POP1: variants seen among roughly 807,000 people sequenced by gnomAD.
POP1 encodes the protein ribonucleases P/MRP protein subunit POP1.
A neutral mutation model predicts 102.2 loss-of-function variants in POP1; 75 were observed. That is an observed-to-expected ratio of 0.73 (90% CI 0.61 to 0.89). POP1 has a LOEUF of 0.89. Among genes scored for constraint, POP1 ranks in the 40% least tolerant of loss-of-function variants. The pLI is 0.00. For missense variants in POP1, 1,116 were observed against 1,267.4 expected, an observed-to-expected ratio of 0.88 and a Z score of 1.81; for synonymous variants, 436 against 464.1, an observed-to-expected ratio of 0.94 and a Z score of 0.78.
At chr8:98,129,607 T>G (rs1470972040) in intron 4 of POP1, among the ~76,000 whole-genome samples, 1 of 152,220 alleles carries the variant, frequency 6.6e-6, no homozygotes, top group African/African-American at 2.4e-5. Flanking sequence ...TTCTACAGGT[T>G]AAAATGACAA....
At chr8:98,155,402 T>A (rs1196542154) in intron 14 of POP1, among the ~76,000 whole-genome samples, 1 of 152,076 alleles carries the variant, frequency 6.6e-6, no homozygotes, top group East Asian at 1.9e-4. Flanking sequence ...TGCCTCAGCC[T>A]CCCTAGTATC....
chr8:98,154,495 G>A (rs1260946653), intron 14 of POP1, among the ~76,000 whole-genome samples: 1 of 151,952 alleles, frequency 6.6e-6, no homozygotes, highest in Non-Finnish European at 1.5e-5. Flanking sequence ...ATCGCAGTTT[G>A]AAGCTGGAGC....
intron 5 of POP1, among the ~76,000 whole-genome samples, chr8:98,132,635 A>G (rs1816409525): frequency 1.3e-5 from 2 of 152,276 alleles, no homozygotes; most frequent in African/African-American, 4.8e-5. Context: ...TCTTTGTTCA[A>G]GTAACAATCT....
chr8:98,119,178 A>G (rs1815940749), intron 1 of POP1, among the ~76,000 whole-genome samples: 1 of 152,274 alleles, frequency 6.6e-6, no homozygotes, highest in Admixed American at 6.5e-5. Context: ...TAGATAATTA[A>G]GACATATTTT....
At chr8:98,146,743 C>CA in intron 12 of POP1, 60 bp downstream of exon 12, 2 of 1,252,606 alleles carry the variant, frequency 1.6e-6, no homozygotes, top group Non-Finnish European at 2.3e-6. Flanking sequence ...ATATATCATT[C>CA]TAGAGACCAT....
rs774229583 is a variant in POP1 at position 98,136,890 on chromosome 8, G to A, written c.1298G>A (p.Arg433Gln). ...TTGACGATGGAGATGAACAGATTCCGGCTGATTGGGCCACTTTCCCACTCC... is the reference window on the plus strand; with the variant it reads ...TTGACGATGGAGATGAACAGATTCCAGCTGATTGGGCCACTTTCCCACTCC... Reference protein sequence around the residue: ...SDLTMEMNRFRLIGPLSHSIL... With the variant: ...SDLTMEMNRFQLIGPLSHSIL... The change falls in exon 9 of 16, where the codon CGG becomes CAG. Residue 433 changes from arginine (R) to glutamine (Q), a missense_variant. Transcript: ENST00000401707. The A allele has an allele frequency of 2.0e-5, 32 of 1,613,816 alleles. No homozygotes were observed. Among genetic ancestry groups the A allele is most frequent in the East Asian group, 2.2e-5 (1 of 44,888 alleles).
intron 15 of POP1, 39 bp from the exon 16 acceptor site, chr8:98,157,578 A>C (rs189318619): frequency 1.2e-6 from 2 of 1,610,702 alleles, no homozygotes; most frequent in Admixed American, 3.3e-5. Context: ...TTTTTCTGGA[A>C]CAAAATATCC....
At chr8:98,136,450 A>AT (rs768932202) in intron 7 of POP1, 32 bp from the exon 8 acceptor site, 4 of 1,578,328 alleles carry the variant, frequency 2.5e-6, no homozygotes, top group Middle Eastern at 2.0e-4. Context: ...AAATTTCAAG[A>AT]TTTTAAAGTG....
At chr8:98,150,763 T>G (rs1238732162) in intron 14 of POP1, 124 bp downstream of exon 14, 3 of 896,758 alleles carry the variant, frequency 3.3e-6, no homozygotes, top group Non-Finnish European at 5.1e-6. Flanking sequence ...AGTTCAGCAT[T>G]ACTGAGAAAT....
intron 11 of POP1, among the ~76,000 whole-genome samples, chr8:98,143,620 G>A (rs1052806249): frequency 2.0e-5 from 3 of 152,036 alleles, no homozygotes; most frequent in Non-Finnish European, 2.9e-5. Context: ...TACTCTTACC[G>A]ATTTTGACAA....
chr8:98,136,501 A>G lies in POP1; in HGVS notation c.1031A>G (p.Lys344Arg). Residue 344 changes from lysine (K) to arginine (R), a missense_variant, in exon 8 of 16, where the codon AAA (lysine) becomes AGA (arginine). Physicochemically the swap from Lys to Arg is conservative, Grantham distance 26. Transcript: ENST00000401707. The stretch of plus-strand genomic sequence containing the variant: ...TTTTAGGATATCTTAGAGGAAATAA[A>G]AGCAGCGTGCCAGTGTGTGGAACCC... Reference protein sequence around the residue: ...TLKQDILEEIKAACQCVEPIK... With the variant: ...TLKQDILEEIRAACQCVEPIK... 6.2e-7 allele frequency: 1 copy of G among 1,611,976 alleles called. No homozygotes were observed.
intron 12 of POP1, among the ~76,000 whole-genome samples, chr8:98,147,240 A>G (rs184955001): frequency 2.0e-4 from 31 of 152,338 alleles, no homozygotes; most frequent in Admixed American, 7.8e-4. Flanking sequence ...AAATGAGGCC[A>G]GCCTCCTGAT....
At chr8:98,135,231 T>G (rs1563775977) in intron 7 of POP1, among the ~76,000 whole-genome samples, 1 of 151,680 alleles carries the variant, frequency 6.6e-6, no homozygotes, top group Admixed American at 6.6e-5. Flanking sequence ...TGAGATGAAA[T>G]CGTGCTATTG....
Position 98,146,607 on chromosome 8 carries a change from C to T in POP1, c.1634C>T (p.Pro545Leu). 6.2e-7 allele frequency: 1 copy of T among 1,613,984 alleles called. No individual in the cohort carries two copies. The highest frequency in any genetic ancestry group is 2.2e-5 in the East Asian group (1 of 44,860). ...KVRQLLLEGVPVECTHSFIWN... is the reference protein window; with the variant it reads ...KVRQLLLEGVLVECTHSFIWN... The stretch of plus-strand genomic sequence containing the variant: ...AGACAGCTGCTTCTGGAGGGTGTGC[C>T]TGTGGAATGTACGCATAGCTTTATC... Residue 545 changes from proline to leucine, a missense_variant, in exon 12 of 16, where the codon CCT becomes CTT. By Grantham distance (98) the Pro-to-Leu change is moderately conservative. Coordinates refer to ENST00000401707, the MANE Select transcript of POP1 (RefSeq NM_001145860.2).
In POP1 at chr8:98,148,819, T is replaced by G; in HGVS notation, c.1715T>G (p.Leu572Ter). The G allele has an allele frequency of 1.2e-6, 2 of 1,612,034 alleles. No homozygotes were observed. Among genetic ancestry groups the G allele is most frequent in the Non-Finnish European group, 1.7e-6 (2 of 1,178,730 alleles). Residue 572 changes from leucine (L) to a stop codon, truncating the protein, a stop_gained, in exon 13 of 16, where the codon TTA (leucine) becomes TGA (stop). Coordinates refer to ENST00000401707, the MANE Select transcript of POP1 (RefSeq NM_001145860.2). LOFTEE classifies it high-confidence loss of function. ...AATTATTTTCTTCCACTTTAGGATTTAAACCGGATGAGGAGTGAATTGCTG... is the reference window on the plus strand; with the variant it reads ...AATTATTTTCTTCCACTTTAGGATTGAAACCGGATGAGGAGTGAATTGCTG... ...VTENKISDQDLNRMRSELLVP... is the reference protein window; with the variant it reads ...VTENKISDQD
At position 98,154,133 on chromosome 8, in the gene POP1, T is replaced by C. The variant is rs78814023; in HGVS notation, c.2058-1917T>C. 7.9e-3 allele frequency among the ~76,000 whole-genome samples: 1,201 copies of C among 152,156 alleles called. 18 individuals carry two copies. Among genetic ancestry groups the C allele is most frequent in the African/African-American group, 0.027 (1,127 of 41,486 alleles). On this transcript the variant is annotated intron_variant, in intron 14 of 15. Coordinates refer to ENST00000401707, the MANE Select transcript of POP1 (RefSeq NM_001145860.2). Reference sequence around the variant, plus strand: ...GTTTCTGGGAGAGTGGAAGACGGAATTGAGAGGAGAAACATGGGATCTGTA... The same window carrying C: ...GTTTCTGGGAGAGTGGAAGACGGAACTGAGAGGAGAAACATGGGATCTGTA...
At chr8:98,132,906 CAAA>C (rs11308385) in intron 5 of POP1, among the ~76,000 whole-genome samples, 2 of 12,282 alleles carry the variant, frequency 1.6e-4, no homozygotes, top group African/African-American at 9.2e-4. Flanking sequence ...TCTGTCTCTG[CAAA>C]AAAAAAAAAA....
At chr8:98,142,418 G>A (rs1274136764) in intron 11 of POP1, among the ~76,000 whole-genome samples, 5 of 152,160 alleles carry the variant, frequency 3.3e-5, no homozygotes, top group African/African-American at 1.2e-4. Flanking sequence ...ATTCTTAGAT[G>A]CTTTGAAAAA....
At chr8:98,125,634 G>A (rs1306495450) in intron 2 of POP1, among the ~76,000 whole-genome samples, 2 of 152,000 alleles carry the variant, frequency 1.3e-5, no homozygotes, top group African/African-American at 4.8e-5. Flanking sequence ...TCTGCCTCCC[G>A]GGTTCAAGCA....
Sources: allele counts gnomAD v4.1 joint callset (sites outside exome capture counted in the v4.1 genomes callset), GRCh38; gene constraint gnomAD v4.1.1; transcripts MANE v1.5; gene names NCBI Gene and HGNC (gene_info 2026-07-23, HGNC 2026-07-21).